The following NYAP2 variants were observed in gnomAD, a reference collection of about 807,000 sequenced individuals.
NYAP2 encodes neuronal tyrosine-phosphorylated phosphoinositide-3-kinase adapter 2.
In NYAP2, 23 loss-of-function variants were observed where a neutral mutation model predicts 50.4. The ratio of observed to expected loss-of-function variants is 0.46; its 90% CI spans 0.33 to 0.65. The LOEUF (loss-of-function observed/expected upper bound fraction) is 0.65. NYAP2 is among the 30% of genes least tolerant of loss of function. NYAP2 has a pLI of 0.02. For missense variants in NYAP2, 885 were observed against 861.0 expected (o/e 1.03, Z -0.35); for synonymous variants, 394 against 365.2 (o/e 1.08, Z -0.90).
intron 3 of NYAP2, among the ~76,000 whole-genome samples, chr2:225,504,337 G>A (rs1292302666): frequency 2.0e-5 from 3 of 152,130 alleles, no homozygotes; most frequent in Admixed American, 2.0e-4. Flanking sequence ...TCATTCTGAG[G>A]GTTTTGCCCC....
chr2:225,542,275 A>G (rs945610666), intron 4 of NYAP2, among the ~76,000 whole-genome samples: 3 of 152,024 alleles, frequency 2.0e-5, no homozygotes, highest in African/African-American at 7.2e-5. Flanking sequence ...CTCTTGTTTA[A>G]TTGCTCTAGC....
chr2:225,512,848 TCTTTCTTCCTTCCTTC>T (rs1450406186), intron 3 of NYAP2, among the ~76,000 whole-genome samples: 35 of 126,870 alleles, frequency 2.8e-4, no homozygotes, highest in Non-Finnish European at 2.8e-4. Flanking sequence ...TTTCTTTCTT[TCTTTCTTCCTTCCTTC>T]CTTCCTTCCT....
intron 4 of NYAP2, among the ~76,000 whole-genome samples, chr2:225,571,503 A>G (rs1282723078): frequency 6.6e-6 from 1 of 152,234 alleles, no homozygotes; most frequent in Non-Finnish European, 1.5e-5. Flanking sequence ...AGGGCCCAGC[A>G]CCACATGAAA....
At chr2:225,610,781 A>G (rs10933102) in intron 5 of NYAP2, among the ~76,000 whole-genome samples, 139,810 of 152,130 alleles carry the variant, frequency 0.92, 64,351 homozygotes, top group Middle Eastern at 0.97. Flanking sequence ...AGTCACCCTA[A>G]AGAATAAAAT....
At chr2:225,473,228 T>C (rs1690041798) in intron 3 of NYAP2, among the ~76,000 whole-genome samples, 1 of 152,222 alleles carries the variant, frequency 6.6e-6, no homozygotes, top group African/African-American at 2.4e-5. Flanking sequence ...TTTGGGTTGG[T>C]TCCAAGTCTT....
At chr2:225,657,202 C>T (rs1331477677), downstream of NYAP2, among the ~76,000 whole-genome samples, 1 of 150,288 alleles carries the variant, frequency 6.7e-6, no homozygotes, top group East Asian at 1.9e-4. Flanking sequence ...CCTCCACCTC[C>T]AAGTTCAACT....
At chr2:225,633,017 A>T (rs1693349336) in intron 6 of NYAP2, among the ~76,000 whole-genome samples, 1 of 152,200 alleles carries the variant, frequency 6.6e-6, no homozygotes, top group Non-Finnish European at 1.5e-5. Context: ...AATGATGGAG[A>T]GATTAATGGA....
intron 4 of NYAP2, among the ~76,000 whole-genome samples, chr2:225,546,079 G>A (rs1464938025): frequency 6.6e-6 from 1 of 152,094 alleles, no homozygotes; most frequent in Non-Finnish European, 1.5e-5. Flanking sequence ...TGGGTATGGG[G>A]TGACACAAAC....
intron 4 of NYAP2, among the ~76,000 whole-genome samples, chr2:225,551,585 G>C (rs1055853848): frequency 6.6e-6 from 1 of 152,158 alleles, no homozygotes; most frequent in Non-Finnish European, 1.5e-5. Context: ...TAGCAGAAAA[G>C]TGACACTGTA....
chr2:225,528,435 G>A (rs1011002807), intron 4 of NYAP2, among the ~76,000 whole-genome samples: 2 of 152,010 alleles, frequency 1.3e-5, no homozygotes, highest in African/African-American at 2.4e-5. Flanking sequence ...TATTTTATTG[G>A]TTGGAAAAAA....
chr2:225,679,947 T>C, the NYAP2 span, among the ~76,000 whole-genome samples: 1 of 152,172 alleles, frequency 6.6e-6, no homozygotes, highest in East Asian at 1.9e-4. Flanking sequence ...AGAGTTTCAG[T>C]TTCCTCACTT....
intron 4 of NYAP2, among the ~76,000 whole-genome samples, chr2:225,566,403 G>T (rs1028230468): frequency 6.6e-6 from 1 of 152,142 alleles, no homozygotes; most frequent in African/African-American, 2.4e-5. Flanking sequence ...ATCCTCAGTA[G>T]ACTGTATCTA....
intron 6 of NYAP2, 119 bp downstream of exon 6, chr2:225,627,245 C>T: frequency 1.3e-6 from 1 of 743,604 alleles, no homozygotes; most frequent in Non-Finnish European, 2.3e-6. Flanking sequence ...AGAGAGGCAC[C>T]ACAAGTAACC....
intron 3 of NYAP2, among the ~76,000 whole-genome samples, chr2:225,413,300 C>CA (rs1200438579): frequency 2.6e-5 from 4 of 151,448 alleles, no homozygotes; most frequent in African/African-American, 4.9e-5. Context: ...TGAAACAGGC[C>CA]AAAAAAATAA....
Position 225,403,030 on chromosome 2 carries a change from A to C in NYAP2, c.-18+1987A>C, listed in dbSNP as rs568759901. ...TGATTATTTAAATCCTTACATTTTC[A>C]TACACAATGTGTTTTCAAATTGGTT... On this transcript the variant is annotated intron_variant, in intron 2 of 6. Transcript: ENST00000636099. Among the ~76,000 whole-genome samples, 94 of 152,148 alleles carry C rather than the reference A, an allele frequency of 6.2e-4. 1 individual carries two copies. The highest frequency in any genetic ancestry group is 5.0e-3 in the Admixed American group (76 of 15,250).
At chr2:225,589,565 C>A (rs1357488468) in intron 5 of NYAP2, among the ~76,000 whole-genome samples, 1 of 118,642 alleles carries the variant, frequency 8.4e-6, no homozygotes, top group African/African-American at 3.1e-5. Flanking sequence ...TGTGGTGTCA[C>A]ATGCCTGCGG....
chr2:225,586,173 C>T (rs893198641), intron 5 of NYAP2, among the ~76,000 whole-genome samples: 1 of 152,008 alleles, frequency 6.6e-6, no homozygotes, highest in South Asian at 2.1e-4. Flanking sequence ...AAAATGTATA[C>T]CTTAAACTCA....
chr2:225,534,020 G>T (rs1244330665), intron 4 of NYAP2, among the ~76,000 whole-genome samples: 2 of 152,176 alleles, frequency 1.3e-5, no homozygotes, highest in Non-Finnish European at 2.9e-5. Context: ...GAGTAAACTG[G>T]CTTGACAGGG....
intron 3 of NYAP2, among the ~76,000 whole-genome samples, chr2:225,465,075 T>C (rs1689895065): frequency 6.6e-6 from 1 of 152,202 alleles, no homozygotes; most frequent in South Asian, 2.1e-4. Flanking sequence ...CAAGATACCA[T>C]TTTTAAGTAT....
Sources: gnomAD v4.1 joint callset for allele counts (sites outside exome capture counted in the v4.1 genomes callset) on GRCh38, gnomAD v4.1.1 for gene constraint, MANE v1.5 for transcripts, NCBI Gene and HGNC (gene_info 2026-07-23, HGNC 2026-07-21) for gene names.